The following SGCD variants were observed in gnomAD, a reference collection of about 807,000 sequenced individuals.
The protein encoded by SGCD is sarcoglycan delta.
Under a neutral mutation model 36.6 loss-of-function variants are expected in SGCD, and 18 were observed. The ratio of observed to expected loss-of-function variants is 0.49; its 90% CI spans 0.34 to 0.73. SGCD has a LOEUF of 0.73. Among genes scored for constraint, SGCD ranks in the 30% least tolerant of loss-of-function variants. The pLI, the probability that SGCD is intolerant of heterozygous loss-of-function variation, is 0.01. For synonymous variants in SGCD, 133 were observed against 130.6 expected (o/e 1.02, Z -0.12); for missense variants, 387 against 346.7 (o/e 1.12, Z -0.92).
chr5:156,141,153 CT>C (rs1464019148), intron 3 of SGCD, among the ~76,000 whole-genome samples: 2 of 152,182 alleles, frequency 1.3e-5, no homozygotes, highest in African/African-American at 4.8e-5. Context: ...TAAGTGAAGG[CT>C]TGGCTGCCTC....
At chr5:156,642,083 C>T (rs1318871524) in intron 6 of SGCD, among the ~76,000 whole-genome samples, 1 of 152,134 alleles carries the variant, frequency 6.6e-6, no homozygotes, top group Non-Finnish European at 1.5e-5. Flanking sequence ...TTGCAGACAT[C>T]CATCATCTTA....
the SGCD span, among the ~76,000 whole-genome samples, chr5:155,783,703 C>A: frequency 6.6e-6 from 1 of 151,908 alleles, no homozygotes; most frequent in East Asian, 1.9e-4. Flanking sequence ...TTAATTTATG[C>A]TGAAAATAAC....
intron 4 of SGCD, among the ~76,000 whole-genome samples, chr5:156,527,517 T>C (rs915973844): frequency 5.9e-5 from 9 of 152,180 alleles, no homozygotes; most frequent in African/African-American, 1.9e-4. Context: ...TTAGAGAAAG[T>C]ACACTAGATT....
chr5:156,212,715 C>T (rs1489882523), intron 3 of SGCD, among the ~76,000 whole-genome samples: 4 of 152,028 alleles, frequency 2.6e-5, no homozygotes, highest in African/African-American at 4.8e-5. Flanking sequence ...CTCAAGTATA[C>T]GTGGAACATT....
chr5:156,188,882 A>G (rs539512720), intron 3 of SGCD, among the ~76,000 whole-genome samples: 1 of 152,220 alleles, frequency 6.6e-6, no homozygotes, highest in South Asian at 2.1e-4. Context: ...TAATTCCCTC[A>G]ACAGAATTCC....
intron 1 of SGCD, among the ~76,000 whole-genome samples, chr5:155,905,567 A>G (rs1756487980): frequency 6.6e-6 from 1 of 151,940 alleles, no homozygotes; most frequent in African/African-American, 2.4e-5. Context: ...TTACTGGCAT[A>G]CCTCATTTTA....
chr5:156,299,545 T>C (rs1224865156), intron 3 of SGCD, among the ~76,000 whole-genome samples: 10 of 152,198 alleles, frequency 6.6e-5, no homozygotes, highest in Non-Finnish European at 1.0e-4. Flanking sequence ...TTTAACGATA[T>C]TGATTGTTCC....
At chr5:156,409,248 C>A (rs900181310) in intron 3 of SGCD, among the ~76,000 whole-genome samples, 6 of 152,082 alleles carry the variant, frequency 3.9e-5, no homozygotes, top group African/African-American at 1.4e-4. Flanking sequence ...CCTTCCTTTC[C>A]TTAATTTCCA....
chr5:156,657,122 G>C (rs1429202243), intron 7 of SGCD, among the ~76,000 whole-genome samples: 2 of 151,910 alleles, frequency 1.3e-5, no homozygotes, highest in Non-Finnish European at 2.9e-5. Context: ...TATCAAAACA[G>C]TCTATTAGAG....
At chr5:156,048,038 G>A (rs1759818063) in intron 1 of SGCD, among the ~76,000 whole-genome samples, 1 of 151,922 alleles carries the variant, frequency 6.6e-6, no homozygotes, top group African/African-American at 2.4e-5. Flanking sequence ...TGTTGTCATT[G>A]TTCAATTCCT....
intron 3 of SGCD, among the ~76,000 whole-genome samples, chr5:156,487,623 A>T (rs1485184985): frequency 6.6e-6 from 1 of 151,472 alleles, no homozygotes; most frequent in Non-Finnish European, 1.5e-5. Flanking sequence ...CCCCATCTCT[A>T]CTAAAAATAC....
intron 4 of SGCD, among the ~76,000 whole-genome samples, chr5:156,542,570 A>T (rs1327247788): frequency 6.6e-6 from 1 of 152,172 alleles, no homozygotes; most frequent in Non-Finnish European, 1.5e-5. Flanking sequence ...TGCATTATAC[A>T]TATTCATGTA....
At chr5:156,387,889 A>T (rs377356598) in intron 3 of SGCD, among the ~76,000 whole-genome samples, 1 of 152,186 alleles carries the variant, frequency 6.6e-6, no homozygotes, top group East Asian at 1.9e-4. Flanking sequence ...AACTGACCTT[A>T]TTTGTTTTGA....
In SGCD at chr5:156,308,400, G is replaced by A. The variant is rs559524277; in HGVS notation, c.-43-21134G>A. ...TGAAAGCTCCGCCTCCCGGGTTCAC[G>A]CCATTCTGCTGCCTCAGCCTCCCGA... On this transcript the variant is annotated intron_variant, in intron 3 of 9. Transcript: ENST00000517913. 1.9e-4 allele frequency among the ~76,000 whole-genome samples: 29 copies of A among 151,680 alleles called. No homozygotes were observed. In the East Asian group the frequency reaches 3.3e-3, roughly 17 times the overall value.
intron 6 of SGCD, among the ~76,000 whole-genome samples, chr5:156,643,158 G>A (rs910313417): frequency 6.6e-6 from 1 of 151,114 alleles, no homozygotes; most frequent in Admixed American, 6.6e-5. Flanking sequence ...TCAGCCTCCC[G>A]AGTAGCTGGG....
chr5:156,163,657 A>T (rs1469402637), intron 3 of SGCD, among the ~76,000 whole-genome samples: 1 of 151,508 alleles, frequency 6.6e-6, no homozygotes, highest in Non-Finnish European at 1.5e-5. Context: ...ACCAGGCATC[A>T]CTCAACAGGC....
the SGCD span, among the ~76,000 whole-genome samples, chr5:155,816,761 ATGAG>A: frequency 6.6e-6 from 1 of 152,318 alleles, no homozygotes; most frequent in Non-Finnish European, 1.5e-5. Context: ...TTTCATTGGA[ATGAG>A]TAAGTCCTAT....
At chr5:155,778,090 A>T in the SGCD span, among the ~76,000 whole-genome samples, 1 of 152,180 alleles carries the variant, frequency 6.6e-6, no homozygotes, top group African/African-American at 2.4e-5. Context: ...TTGAAACTGG[A>T]TACTTAGACA....
intron 3 of SGCD, among the ~76,000 whole-genome samples, chr5:156,303,671 G>A (rs6870979): frequency 0.56 from 83,968 of 150,800 alleles, 23,980 homozygotes; most frequent in East Asian, 0.92. Context: ...TTAGTCAGCA[G>A]GTGATGAATC....
Sources: gnomAD v4.1 joint callset for allele counts (sites outside exome capture counted in the v4.1 genomes callset) on GRCh38, gnomAD v4.1.1 for gene constraint, MANE v1.5 for transcripts, NCBI Gene and HGNC (gene_info 2026-07-23, HGNC 2026-07-21) for gene names.